ADAMTSL1: variants seen among roughly 807,000 people sequenced by gnomAD.
ADAMTSL1 encodes ADAMTS like 1.
Under a neutral mutation model 201.8 loss-of-function variants are expected in ADAMTSL1, and 126 were observed. The ratio of observed to expected loss-of-function variants is 0.62; its 90% CI spans 0.54 to 0.72. ADAMTSL1 has a LOEUF of 0.72. ADAMTSL1 is among the 30% of genes least tolerant of loss of function. The pLI, the probability that ADAMTSL1 is intolerant of heterozygous loss-of-function variation, is 0.00. For missense variants in ADAMTSL1, 2,679 were observed against 2,277.8 expected, an observed-to-expected ratio of 1.18 and a Z score of -3.59; for synonymous variants, 1,121 against 903.4, an observed-to-expected ratio of 1.24 and a Z score of -4.32.
At chr9:18,591,466 A>G (rs1389204868) in intron 4 of ADAMTSL1, among the ~76,000 whole-genome samples, 1 of 152,034 alleles carries the variant, frequency 6.6e-6, no homozygotes, top group Non-Finnish European at 1.5e-5. Flanking sequence ...TATTTATTCC[A>G]TTCAGCCACT....
chr9:18,618,114 A>G (rs2132648590), intron 4 of ADAMTSL1, among the ~76,000 whole-genome samples: 1 of 152,298 alleles, frequency 6.6e-6, no homozygotes, highest in East Asian at 1.9e-4. Context: ...AATAGTCTCT[A>G]AAAAATAATA....
intron 2 of ADAMTSL1, among the ~76,000 whole-genome samples, chr9:18,186,881 G>C (rs1336776354): frequency 6.6e-6 from 1 of 151,074 alleles, no homozygotes. Context: ...ACACACAAAC[G>C]TGAACATATA....
intron 23 of ADAMTSL1, among the ~76,000 whole-genome samples, chr9:18,834,745 T>A (rs1825207035): frequency 6.6e-6 from 1 of 152,148 alleles, no homozygotes; most frequent in South Asian, 2.1e-4. Context: ...TTTGGGATAT[T>A]TTATTTCTTT....
intron 4 of ADAMTSL1, among the ~76,000 whole-genome samples, chr9:18,597,274 A>G (rs118167044): frequency 0.029 from 4,464 of 152,230 alleles, 102 homozygotes; most frequent in Non-Finnish European, 0.043. Flanking sequence ...GAGCCTGTTG[A>G]TGTGAGCTAA....
intron 14 of ADAMTSL1, among the ~76,000 whole-genome samples, chr9:18,720,784 T>A (rs1055086662): frequency 1.1e-4 from 17 of 151,964 alleles, no homozygotes; most frequent in Non-Finnish European, 1.6e-4. Context: ...TGAAAAAAAA[T>A]TTTAAAATAA....
chr9:18,723,226 G>A, intron 15 of ADAMTSL1: 1 of 651,184 alleles, frequency 1.5e-6, no homozygotes, highest in Non-Finnish European at 2.8e-6. Flanking sequence ...TCTTTATTTT[G>A]TAGGCAGAAG....
chr9:18,264,566 C>T (rs1345530246), intron 2 of ADAMTSL1, among the ~76,000 whole-genome samples: 1 of 151,966 alleles, frequency 6.6e-6, no homozygotes, highest in Non-Finnish European at 1.5e-5. Flanking sequence ...AACAAGGACC[C>T]CAAGGAAGCT....
rs186720830 is a variant in ADAMTSL1 at position 18,877,615 on chromosome 9, C to T, written c.4250-10216C>T. ...GGTCTCTCAGCCATGAATACCAGTA[C>T]CTGCTCTGGTGGCAGTAGAAGGGGA... is the stretch of plus-strand genomic sequence containing the variant. On this transcript the variant is annotated intron_variant, in intron 23 of 28. Coordinates refer to ENST00000380548, the MANE Select transcript of ADAMTSL1 (RefSeq NM_001040272.6). 3.3e-5 allele frequency among the ~76,000 whole-genome samples: 5 copies of T among 152,188 alleles called. No homozygotes were observed. The East Asian group carries it at 7.7e-4, about 24-fold the overall frequency.
chr9:17,961,853 C>T (rs1302732374), intron 1 of ADAMTSL1, among the ~76,000 whole-genome samples: 1 of 152,106 alleles, frequency 6.6e-6, no homozygotes, highest in Non-Finnish European at 1.5e-5. Context: ...ACAGCTCTAG[C>T]ACCTCCTGAG....
intron 1 of ADAMTSL1, among the ~76,000 whole-genome samples, chr9:18,020,200 A>T (rs908025635): frequency 6.6e-6 from 1 of 152,014 alleles, no homozygotes; most frequent in Non-Finnish European, 1.5e-5. Flanking sequence ...GATGTGAATC[A>T]TTGGGGGTTG....
chr9:18,693,769 T>C (rs918196088), intron 13 of ADAMTSL1, among the ~76,000 whole-genome samples: 10 of 152,180 alleles, frequency 6.6e-5, no homozygotes, highest in African/African-American at 2.4e-4. Context: ...AGGGGGACAA[T>C]TATTACATAA....
At chr9:18,858,454 A>T (rs552971762) in intron 23 of ADAMTSL1, among the ~76,000 whole-genome samples, 1 of 152,196 alleles carries the variant, frequency 6.6e-6, no homozygotes, top group Non-Finnish European at 1.5e-5. Context: ...ATTGATGAAC[A>T]TTGTCTTCTT....
At chr9:18,124,376 C>T (rs568187876) in intron 1 of ADAMTSL1, among the ~76,000 whole-genome samples, 53 of 152,134 alleles carry the variant, frequency 3.5e-4, no homozygotes, top group Non-Finnish European at 6.3e-4. Flanking sequence ...CCACCACACC[C>T]GACAGCCACT....
intron 1 of ADAMTSL1, among the ~76,000 whole-genome samples, chr9:18,504,005 T>TGTGTGTGTGTGTGTGC (rs1554691188): frequency 6.6e-6 from 1 of 151,778 alleles, no homozygotes; most frequent in African/African-American, 2.4e-5. Context: ...TGTGTGTGTG[T>TGTGTGTGTGTGTGTGC]GCAGTAGCAT....
rs115832098 is a variant in ADAMTSL1, at chr9:18,736,697, A to T, written c.2006+15032A>T. Among the ~76,000 whole-genome samples the T allele has an allele frequency of 1.7e-3, 261 of 152,314 alleles. 1 individual carries two copies. Among genetic ancestry groups the T allele is most frequent in the African/African-American group, 6.1e-3 (254 of 41,568 alleles). ...TTGTATGTGTGTAGAAAGTGGTCCC[A>T]TGGATTATATTCCTTTCTCTTAACA... is the stretch of plus-strand genomic sequence containing the variant. On this transcript the variant is annotated intron_variant, in intron 15 of 28. Transcript: ENST00000380548.
intron 2 of ADAMTSL1, among the ~76,000 whole-genome samples, chr9:18,320,404 T>C (rs533687126): frequency 2.0e-5 from 3 of 152,350 alleles, no homozygotes; most frequent in South Asian, 4.1e-4. Context: ...TATAGTTCTA[T>C]ATCCAACAAA....
At chr9:18,269,813 A>G (rs1441764963) in intron 2 of ADAMTSL1, among the ~76,000 whole-genome samples, 1 of 150,814 alleles carries the variant, frequency 6.6e-6, no homozygotes, top group Non-Finnish European at 1.5e-5. Context: ...CCAAAGGGGG[A>G]AACTCTGCAG....
At chr9:17,972,284 A>C (rs10963362) in intron 1 of ADAMTSL1, among the ~76,000 whole-genome samples, 18 of 107,250 alleles carry the variant, frequency 1.7e-4, no homozygotes, top group Non-Finnish European at 3.2e-4. Flanking sequence ...TTTAGCATTA[A>C]GTATATCTCC....
At chr9:18,636,331 A>T (rs1291542087) in intron 6 of ADAMTSL1, among the ~76,000 whole-genome samples, 1 of 151,838 alleles carries the variant, frequency 6.6e-6, no homozygotes, top group Non-Finnish European at 1.5e-5. Flanking sequence ...TTCCAATCTC[A>T]ATCTTTTTTT....
Sources: allele counts gnomAD v4.1 joint callset (sites outside exome capture counted in the v4.1 genomes callset), GRCh38; gene constraint gnomAD v4.1.1; transcripts MANE v1.5; gene names NCBI Gene and HGNC (gene_info 2026-07-23, HGNC 2026-07-21).